Variants in ZIM3 observed in about 807,000 individuals in gnomAD.
The protein encoded by ZIM3 is zinc finger imprinted 3.
ZIM3 carries 11 observed loss-of-function variants against 12.9 expected under a neutral mutation model. The observed-to-expected ratio is 0.85, with a 90% confidence interval of 0.54 to 1.41. The LOEUF (loss-of-function observed/expected upper bound fraction) is 1.41. Ranked by LOEUF, ZIM3 falls within the 40% of genes most tolerant of loss-of-function variation. ZIM3 has a pLI of 0.00. For synonymous variants in ZIM3, 205 were observed against 198.5 expected (o/e 1.03, Z -0.28); for missense variants, 604 against 557.2 (o/e 1.08, Z -0.85).
At chr19:57,137,585 C>T (rs933892695) in intron 3 of ZIM3, among the ~76,000 whole-genome samples, 4 of 151,646 alleles carry the variant, frequency 2.6e-5, no homozygotes, top group Admixed American at 6.6e-5. Flanking sequence ...TGGTGGTGCA[C>T]GTCTGTAATC....
In ZIM3 at chr19:57,145,002, T is replaced by G. The variant is rs1338299400; in HGVS notation, c.-186A>C. 6.6e-6 allele frequency: 1 copy of G among 152,208 alleles called. No homozygotes were observed. Among genetic ancestry groups the G allele is most frequent in the Admixed American group, 6.5e-5 (1 of 15,274 alleles). 9.4% of individuals were successfully genotyped at this position (152,208 alleles called of 1,614,324 possible). ...AAAACTTAATCGGCCCTCTACCCGC[T>G]GTATTCCGCATCATAATCCAGTCAA... On this transcript the variant is annotated 5_prime_UTR_variant, in exon 1 of 5. Transcript: ENST00000269834.
rs1381023798 is a variant in ZIM3, at chr19:57,136,947, T to A, written c.167A>T (p.Asp56Val). 6.2e-7 allele frequency: 1 copy of A among 1,614,184 alleles called. No individual in the cohort carries two copies. The highest frequency in any genetic ancestry group is 8.5e-7 in the Non-Finnish European group (1 of 1,180,024). Residue 56 changes from aspartate (D) to valine (V), a missense_variant, in exon 4 of 5, where the codon GAT (aspartate) becomes GTT (valine). By Grantham distance (152) the Asp-to-Val change is radical (BLOSUM62 -3). Transcript: ENST00000269834. ...SVGQGETTKP[D>V]VILRLEQGKE... ...TCCTTGTTCCAACCTCAAGATCACA[T>A]CGGGTTTGGTGGTTTCCCCTTGTCC...
At chr19:57,137,250 C>T (rs529702932) in intron 3 of ZIM3, among the ~76,000 whole-genome samples, 14 of 151,828 alleles carry the variant, frequency 9.2e-5, no homozygotes, top group African/African-American at 3.4e-4. Flanking sequence ...TTTGGGAGGC[C>T]GAGATAGGAG....
chr19:57,134,916 T>C lies in ZIM3; in HGVS notation c.*2A>G, dbSNP rs771976592. ...CCATGTTTTTTTAAGTGCATGGGGC[T>C]CCTATCTGGAGTGAATTCTTTTCTG... On this transcript the variant is annotated 3_prime_UTR_variant, in exon 5 of 5. Transcript: ENST00000269834. 1.9e-6 allele frequency: 3 copies of C among 1,603,196 alleles called. No homozygotes were observed. The highest frequency in any genetic ancestry group is 2.6e-6 in the Non-Finnish European group (3 of 1,174,462).
At chr19:57,143,224 G>A (rs1262938181) in intron 1 of ZIM3, among the ~76,000 whole-genome samples, 5 of 151,960 alleles carry the variant, frequency 3.3e-5, no homozygotes, top group Admixed American at 2.6e-4. Flanking sequence ...CCAGCTACTC[G>A]GGAGGCTGAG....
At chr19:57,140,872 G>A (rs146648887) in intron 2 of ZIM3, among the ~76,000 whole-genome samples, 300 of 152,176 alleles carry the variant, frequency 2.0e-3, no homozygotes, top group Non-Finnish European at 3.3e-3. Flanking sequence ...CTTATCCTTG[G>A]TCTTTCAGCT....
intron 1 of ZIM3, among the ~76,000 whole-genome samples, chr19:57,143,675 CTTT>C (rs71186226): frequency 1.7e-4 from 23 of 138,938 alleles, no homozygotes; most frequent in Middle Eastern, 3.9e-3. Context: ...CCAGGAGTTA[CTTT>C]TTTTTTTTTT....
intron 2 of ZIM3, among the ~76,000 whole-genome samples, chr19:57,141,564 T>A (rs1005299439): frequency 3.9e-5 from 6 of 152,114 alleles, no homozygotes; most frequent in African/African-American, 1.2e-4. Context: ...GCTTGAAACC[T>A]GTATTTGTTT....
In ZIM3 at chr19:57,135,625, G is replaced by A; in HGVS notation, c.712C>T (p.Leu238Phe). Residue 238 changes from leucine to phenylalanine, a missense_variant, in exon 5 of 5, where the codon CTC (leucine) becomes TTC (phenylalanine). Physicochemically the swap from Leu to Phe is conservative, Grantham distance 22. Transcript: ENST00000269834. ...GTATGCATTTTCTGATGTTGAAAGA[G>A]ATTTGACTTCTGCTTGTAGGCATTT... ...CGNAYKQKSN[L>F]FQHQKMHTKE... The A allele has an allele frequency of 6.2e-7, 1 of 1,611,970 alleles. No individual in the cohort carries two copies. Among genetic ancestry groups the A allele is most frequent in the Non-Finnish European group, 8.5e-7 (1 of 1,178,230 alleles).
Position 57,135,519 on chromosome 19 carries a change from T to C in ZIM3, c.818A>G (p.His273Arg). ...KSSCINHEKI[H>R]NAKKSYQCNE... Reference sequence around the variant, plus strand: ...ACACTGATAGGATTTCTTGGCATTATGAATTTTCTCATGATTAATGCAGGA... The same window carrying C: ...ACACTGATAGGATTTCTTGGCATTACGAATTTTCTCATGATTAATGCAGGA... Residue 273 changes from histidine (H) to arginine (R), a missense_variant, in exon 5 of 5, where the codon CAT becomes CGT. Transcript: ENST00000269834. 6.2e-7 allele frequency: 1 copy of C among 1,614,116 alleles called. No homozygotes were observed. Among genetic ancestry groups the C allele is most frequent in the Non-Finnish European group, 8.5e-7 (1 of 1,179,988 alleles).
At position 57,134,940 on chromosome 19, in the gene ZIM3, T is replaced by C. The variant is rs1040660154; in HGVS notation, c.1397A>G (p.Gln466Arg). The C allele has an allele frequency of 1.9e-6, 3 of 1,612,066 alleles. No homozygotes were observed. The highest frequency in any genetic ancestry group is 2.7e-5 in the African/African-American group (2 of 74,712). ...CTCCTATCTGGAGTGAATTCTTTTCTGGTGCCTAACAAGGTATGACCTGTC... is the reference window on the plus strand; with the variant it reads ...CTCCTATCTGGAGTGAATTCTTTTCCGGTGCCTAACAAGGTATGACCTGTC... The part of the protein sequence containing the change: ...FADRSYLVRH[Q>R]KRIHSR Residue 466 changes from glutamine (Q) to arginine (R), a missense_variant, in exon 5 of 5, where the codon CAG (glutamine) becomes CGG (arginine). Gln to Arg is a conservative substitution (Grantham distance 43). Coordinates refer to ENST00000269834, the MANE Select transcript of ZIM3 (RefSeq NM_052882.1).
intron 1 of ZIM3, among the ~76,000 whole-genome samples, chr19:57,143,942 C>G (rs931921021): frequency 2.0e-5 from 3 of 152,158 alleles, no homozygotes; most frequent in African/African-American, 7.2e-5. Context: ...TCCCAAAGTG[C>G]TGGGATTATA....
In ZIM3 at chr19:57,134,306, T is replaced by G. The variant is rs1234695147; in HGVS notation, c.*612A>C. On this transcript the variant is annotated 3_prime_UTR_variant, in exon 5 of 5. Coordinates refer to ENST00000269834, the MANE Select transcript of ZIM3 (RefSeq NM_052882.1). ...ATTTTATCTTATTTTTGAGATGAAA[T>G]TTTGCTCTTGTTGCCCAGGCAGGAG... The G allele has an allele frequency of 6.6e-6, 1 of 152,250 alleles. No individual in the cohort carries two copies. Among genetic ancestry groups the G allele is most frequent in the Non-Finnish European group, 1.5e-5 (1 of 68,086 alleles). 9.4% of individuals were successfully genotyped at this position (152,250 alleles called of 1,614,324 possible).
In ZIM3 at chr19:57,135,656, G is replaced by C; in HGVS notation, c.681C>G (p.Asn227Lys). 6.2e-7 allele frequency: 1 copy of C among 1,612,598 alleles called. No homozygotes were observed. The highest frequency in any genetic ancestry group is 1.1e-5 in the South Asian group (1 of 91,032). Residue 227 changes from asparagine (N) to lysine (K), a missense_variant, in exon 5 of 5, where the codon AAC becomes AAG. Asn to Lys is a moderately conservative substitution (Grantham distance 94, BLOSUM62 0). Transcript: ENST00000269834. ...ACTTCTGCTTGTAGGCATTTCCACA[G>C]TTCTCACATTTATAGGGCCTTTCCT... ...HAEERPYKCENCGNAYKQKSN... is the reference protein window; with the variant it reads ...HAEERPYKCEKCGNAYKQKSN...
chr19:57,141,352 G>A (rs1323642843), intron 2 of ZIM3, among the ~76,000 whole-genome samples: 1 of 132,420 alleles, frequency 7.6e-6, no homozygotes, highest in Non-Finnish European at 1.5e-5. Flanking sequence ...AGTGAGCCAA[G>A]ATCAAGCCAT....
Position 57,134,756 on chromosome 19 carries a change from C to A in ZIM3, c.*162G>T. The A allele has an allele frequency of 1.5e-6, 1 of 652,124 alleles. No homozygotes were observed. Among genetic ancestry groups the A allele is most frequent in the Non-Finnish European group, 2.6e-6 (1 of 384,500 alleles). The allele number at this position is 652,124 out of a possible 1,614,324, so 40.4% of individuals were successfully genotyped here. A position where few individuals can be genotyped will look rare whatever the true frequency, so the allele number is the denominator to read the frequency against. Reference sequence around the variant, plus strand: ...AATATTTATACTTAATAAACATTTGCTGAGTGAGTATGCCGAATGGGTTTT... The same window carrying A: ...AATATTTATACTTAATAAACATTTGATGAGTGAGTATGCCGAATGGGTTTT... On this transcript the variant is annotated 3_prime_UTR_variant, in exon 5 of 5. Coordinates refer to ENST00000269834, the MANE Select transcript of ZIM3 (RefSeq NM_052882.1).
At position 57,134,775 on chromosome 19, in the gene ZIM3, G is replaced by T; in HGVS notation, c.*143C>A. The T allele has an allele frequency of 1.3e-6, 1 of 758,922 alleles. No homozygotes were observed. The highest frequency in any genetic ancestry group is 2.1e-6 in the Non-Finnish European group (1 of 473,450). 47.0% of individuals were successfully genotyped at this position (758,922 alleles called of 1,614,324 possible). A position where few individuals can be genotyped will look rare whatever the true frequency, so the allele number is the denominator to read the frequency against. On this transcript the variant is annotated 3_prime_UTR_variant, in exon 5 of 5. Transcript: ENST00000269834. ...CATTTGCTGAGTGAGTATGCCGAAT[G>T]GGTTTTCAAAGGATACTGTGATAAT...
rs755019076 is a variant in ZIM3, at chr19:57,135,561, G to A, written c.776C>T (p.Ala259Val). ...KPYQCKTCGK[A>V]FSWKSSCINH... The stretch of plus-strand genomic sequence containing the variant: ...AATGCAGGATGATTTCCAGGAAAAG[G>A]CTTTTCCACATGTCTTACACTGATA... Residue 259 changes from alanine (A) to valine (V), a missense_variant, in exon 5 of 5, where the codon GCC (alanine) becomes GTC (valine). Physicochemically the swap from Ala to Val is moderately conservative, Grantham distance 64 (BLOSUM62 0). Coordinates refer to ENST00000269834, the MANE Select transcript of ZIM3 (RefSeq NM_052882.1). 2.2e-5 allele frequency: 36 copies of A among 1,613,726 alleles called. No homozygotes were observed. Among genetic ancestry groups the A allele is most frequent in the Non-Finnish European group, 2.8e-5 (33 of 1,179,932 alleles).
At chr19:57,137,131 G>T (rs966215333) in intron 3 of ZIM3, among the ~76,000 whole-genome samples, 160 bp from the exon 4 acceptor site, 3 of 152,168 alleles carry the variant, frequency 2.0e-5, no homozygotes, top group African/African-American at 7.2e-5. Context: ...ATTGGTTGGG[G>T]GGAGTTGTGT....
Sources: gnomAD v4.1 joint callset for allele counts (sites outside exome capture counted in the v4.1 genomes callset) on GRCh38, gnomAD v4.1.1 for gene constraint, MANE v1.5 for transcripts, NCBI Gene and HGNC (gene_info 2026-07-23, HGNC 2026-07-21) for gene names.